The following REXO5 variants were observed in gnomAD, a reference collection of about 807,000 sequenced individuals.
The protein encoded by REXO5 is exonuclease NEF-sp.
Under a neutral mutation model 88.5 loss-of-function variants are expected in REXO5, and 48 were observed. That is an observed-to-expected ratio of 0.54 (90% CI 0.43 to 0.69). The LOEUF (loss-of-function observed/expected upper bound fraction) is 0.69. Among genes scored for constraint, REXO5 ranks in the 30% least tolerant of loss-of-function variants. The pLI, the probability that REXO5 is intolerant of heterozygous loss-of-function variation, is 0.00. For missense variants in REXO5, 749 were observed against 912.2 expected, an observed-to-expected ratio of 0.82 and a Z score of 2.30; for synonymous variants, 311 against 336.5, an observed-to-expected ratio of 0.92 and a Z score of 0.83.
chr16:20,832,068 TTTG>T (rs763023070), intron 11 of REXO5, 85 bp from the exon 12 acceptor site: 9 of 920,936 alleles, frequency 9.8e-6, no homozygotes, highest in Admixed American at 2.5e-5. Context: ...TTTTTTGCTT[TTTG>T]TTGTTGTTGC....
chr16:20,820,953 G>C (rs2081174971), intron 5 of REXO5: 2 of 117,352 alleles, frequency 1.7e-5, no homozygotes, highest in Non-Finnish European at 4.5e-5. Context: ...AACATGTCTT[G>C]ATAAGGAATA....
chr16:20,837,474 C>T (rs757825003), intron 13 of REXO5, among the ~76,000 whole-genome samples: 8 of 151,966 alleles, frequency 5.3e-5, no homozygotes, highest in African/African-American at 1.9e-4. Context: ...TGTTGTTCCC[C>T]GCTGGCCTAT....
chr16:20,811,262 A>T (rs977079686), intron 2 of REXO5, among the ~76,000 whole-genome samples: 12 of 152,104 alleles, frequency 7.9e-5, no homozygotes, highest in Non-Finnish European at 1.3e-4. Flanking sequence ...CACCTTATTA[A>T]TCTCATGTTT....
chr16:20,812,717 T>C (rs776708115), intron 2 of REXO5, among the ~76,000 whole-genome samples: 1 of 152,228 alleles, frequency 6.6e-6, no homozygotes, highest in African/African-American at 2.4e-5. Context: ...TGCCAAACCA[T>C]ACTACATGTT....
intron 13 of REXO5, among the ~76,000 whole-genome samples, chr16:20,836,224 G>A (rs1245580597): frequency 6.6e-6 from 1 of 152,128 alleles, no homozygotes. Context: ...CAAATGTATA[G>A]TGACATATAT....
Position 20,821,857 on chromosome 16 carries a change from CT to C in REXO5, c.573del (p.Leu192Ter), listed in dbSNP as rs1207859718. On this transcript the variant is annotated frameshift_variant, in exon 6 of 20. Coordinates refer to ENST00000261377, the MANE Select transcript of REXO5 (RefSeq NM_030941.3). LOFTEE classifies it high-confidence loss of function. Reference protein sequence around the residue: ...GSKKVGLTRCLLTKEEMRTFH... With the variant: ...GSKKVGLTRCXLTKEEMRTFH... ...TAAGAAAGTGGGCTTGACCAGATGC[CT>C]TCTGACAAAGGAGGAAATGAGAACG... is the stretch of plus-strand genomic sequence containing the variant. The C allele has an allele frequency of 6.2e-7, 1 of 1,605,122 alleles. No individual in the cohort carries two copies. Among genetic ancestry groups the C allele is most frequent in the East Asian group, 2.2e-5 (1 of 44,456 alleles).
Position 20,849,452 on chromosome 16 carries a change from A to C in REXO5, c.2297A>C (p.Glu766Ala). ...LGLMGIKEEEESAGPGLCS is the reference protein window; with the variant it reads ...LGLMGIKEEEASAGPGLCS Reference sequence around the variant, plus strand: ...CTGATGGGAATAAAAGAGGAAGAAGAAAGCGCTGGCCCAGGCCTGTGTTCG... The same window carrying C: ...CTGATGGGAATAAAAGAGGAAGAAGCAAGCGCTGGCCCAGGCCTGTGTTCG... Residue 766 changes from glutamate to alanine, a missense_variant, in exon 20 of 20, where the codon GAA (glutamate) becomes GCA (alanine). Physicochemically the swap from Glu to Ala is moderately radical, Grantham distance 107. Transcript: ENST00000261377. 6.2e-7 allele frequency: 1 copy of C among 1,614,104 alleles called. No individual in the cohort carries two copies.
intron 6 of REXO5, among the ~76,000 whole-genome samples, chr16:20,824,203 C>T (rs1436617275): frequency 1.3e-5 from 2 of 152,124 alleles, no homozygotes; most frequent in Non-Finnish European, 2.9e-5. Flanking sequence ...GAAGTTCAAG[C>T]CCCAGAATCT....
At position 20,806,697 on chromosome 16, in the gene REXO5, G is replaced by A. The variant is rs956529976; in HGVS notation, c.-11G>A. The A allele has an allele frequency of 9.8e-6, 10 of 1,023,264 alleles. No individual in the cohort carries two copies. The highest frequency in any genetic ancestry group is 1.4e-5 in the Non-Finnish European group (10 of 725,588). 63.4% of individuals were successfully genotyped at this position (1,023,264 alleles called of 1,614,324 possible). A position where few individuals can be genotyped will look rare whatever the true frequency, so the allele number is the denominator to read the frequency against. On this transcript the variant is annotated 5_prime_UTR_variant, in exon 1 of 20. Coordinates refer to ENST00000261377, the MANE Select transcript of REXO5 (RefSeq NM_030941.3). ...CCGTTGTAGCCGTTGGGGAACCGTT[G>A]AGAATCCGGTAACCGATGCGGACGG...
At chr16:20,835,787 C>T (rs2081419281) in intron 13 of REXO5, among the ~76,000 whole-genome samples, 1 of 152,086 alleles carries the variant, frequency 6.6e-6, no homozygotes. Flanking sequence ...GTAGTTTACA[C>T]CTGTAATCTC....
chr16:20,844,487 C>T (rs1414176017), intron 16 of REXO5, 142 bp from the exon 17 acceptor site: 1 of 642,362 alleles, frequency 1.6e-6, no homozygotes, highest in East Asian at 2.7e-5. Context: ...TCTTTAGTTT[C>T]CTTTTACAGA....
intron 15 of REXO5, 107 bp downstream of exon 15, chr16:20,840,575 A>G (rs1596609697): frequency 1.5e-5 from 15 of 1,010,074 alleles, no homozygotes; most frequent in Non-Finnish European, 2.1e-5. Context: ...CTTGATTGCT[A>G]CCAACTGGAG....
At chr16:20,824,022 A>G (rs1280541575) in intron 6 of REXO5, among the ~76,000 whole-genome samples, 1 of 152,092 alleles carries the variant, frequency 6.6e-6, no homozygotes, top group African/African-American at 2.4e-5. Context: ...TCTCATTCCT[A>G]TTTTCTCTTC....
Position 20,840,409 on chromosome 16 carries a change from A to T in REXO5, c.1567A>T (p.Arg523Trp). 6.3e-7 allele frequency: 1 copy of T among 1,583,700 alleles called. No individual in the cohort carries two copies. The highest frequency in any genetic ancestry group is 1.1e-5 in the South Asian group (1 of 86,984). Residue 523 changes from arginine (R) to tryptophan (W), a missense_variant, in exon 15 of 20, where the codon AGG becomes TGG. Coordinates refer to ENST00000261377, the MANE Select transcript of REXO5 (RefSeq NM_030941.3). The stretch of plus-strand genomic sequence containing the variant: ...AAATTGCAATCTCAGGGCTCTGAAG[A>T]GGCTGTTTAAAAGCTTTGGCCCAGT... ...SKNCNLRALKRLFKSFGPVQS... is the reference protein window; with the variant it reads ...SKNCNLRALKWLFKSFGPVQS...
rs749901573 is a variant in REXO5, at chr16:20,827,124, G to A, written c.888G>A (p.Gln296=). 2.5e-6 allele frequency: 4 copies of A among 1,614,118 alleles called. No homozygotes were observed. The highest frequency in any genetic ancestry group is 3.4e-6 in the Non-Finnish European group (4 of 1,179,988). The stretch of plus-strand genomic sequence containing the variant: ...CCAAACTCAAAGATGTACAGAGGCA[G>A]TTAAAAGCACTGCTTCCTCCTGATG... The part of the protein sequence containing the change: ...VTTKLKDVQR[Q]LKALLPPDAV... Residue 296 remains glutamine (Q), a synonymous_variant, in exon 9 of 20, where the codon CAG becomes CAA. Transcript: ENST00000261377.
intron 5 of REXO5, among the ~76,000 whole-genome samples, chr16:20,816,529 C>T (rs77499002): frequency 0.019 from 2,842 of 152,040 alleles, 84 homozygotes; most frequent in African/African-American, 0.064. Context: ...TTTTGAGAAA[C>T]GGGGCTCCAC....
At chr16:20,834,283 T>C (rs2081390808) in intron 13 of REXO5, among the ~76,000 whole-genome samples, 1 of 152,230 alleles carries the variant, frequency 6.6e-6, no homozygotes, top group African/African-American at 2.4e-5. Flanking sequence ...AGAGTTCTTG[T>C]TTTTTCTCTT....
chr16:20,828,638 G>A, intron 11 of REXO5, 101 bp downstream of exon 11: 1 of 827,804 alleles, frequency 1.2e-6, no homozygotes, highest in Non-Finnish European at 2.0e-6. Flanking sequence ...TTATGAAAAT[G>A]GCAGTGTGGG....
intron 2 of REXO5, among the ~76,000 whole-genome samples, chr16:20,808,393 T>G (rs2080943064): frequency 6.6e-6 from 1 of 152,120 alleles, no homozygotes; most frequent in Admixed American, 6.5e-5. Context: ...ACTACAGTGG[T>G]GTGACAAGGA....
Sources: gnomAD v4.1 joint callset for allele counts (sites outside exome capture counted in the v4.1 genomes callset) on GRCh38, gnomAD v4.1.1 for gene constraint, MANE v1.5 for transcripts, NCBI Gene and HGNC (gene_info 2026-07-23, HGNC 2026-07-21) for gene names.